Variants in AVEN observed in about 807,000 individuals in gnomAD.
AVEN encodes cell death regulator Aven.
AVEN carries 41 observed loss-of-function variants against 38.1 expected under a neutral mutation model. That is an observed-to-expected ratio of 1.08 (90% CI 0.84 to 1.40). The LOEUF (loss-of-function observed/expected upper bound fraction) is 1.40, where lower values mean the gene tolerates loss of function less well. Among genes scored for constraint, AVEN ranks in the 40% most tolerant of loss-of-function variants. AVEN has a pLI of 0.00. For missense variants in AVEN, 605 were observed against 438.8 expected, an observed-to-expected ratio of 1.38 and a Z score of -3.38; for synonymous variants, 206 against 171.8, an observed-to-expected ratio of 1.20 and a Z score of -1.56.
intron 2 of AVEN, among the ~76,000 whole-genome samples, chr15:33,884,679 A>G (rs1891632522): frequency 6.6e-6 from 1 of 152,142 alleles, no homozygotes; most frequent in Non-Finnish European, 1.5e-5. Context: ...CCCTATCAAC[A>G]AAAAAAGGGC....
chr15:33,961,211 G>A (rs1278356489), intron 2 of AVEN, among the ~76,000 whole-genome samples: 1 of 151,830 alleles, frequency 6.6e-6, no homozygotes, highest in African/African-American at 2.4e-5. Context: ...ATGTTGCCCA[G>A]GCTGGTCTCG....
chr15:33,978,117 C>A (rs963673776), intron 2 of AVEN, among the ~76,000 whole-genome samples: 20 of 152,018 alleles, frequency 1.3e-4, no homozygotes, highest in Admixed American at 1.2e-3. Context: ...ATTTTAAAAA[C>A]ATAGAAATTC....
At chr15:34,013,942 C>A (rs1052604418) in intron 1 of AVEN, among the ~76,000 whole-genome samples, 10 of 152,316 alleles carry the variant, frequency 6.6e-5, no homozygotes, top group African/African-American at 2.4e-4. Context: ...TCTTCCCAAC[C>A]TCAAGAACAG....
chr15:33,912,315 C>T (rs1453692593), intron 2 of AVEN, among the ~76,000 whole-genome samples: 1 of 152,196 alleles, frequency 6.6e-6, no homozygotes, highest in Non-Finnish European at 1.5e-5. Flanking sequence ...AGTTGGAAGG[C>T]ATCCTATGCA....
chr15:33,924,163 T>C (rs1185376491), intron 2 of AVEN, among the ~76,000 whole-genome samples: 2 of 151,988 alleles, frequency 1.3e-5, no homozygotes, highest in South Asian at 4.1e-4. Context: ...ATAGTATTTC[T>C]GTCTCCACTA....
At chr15:34,000,688 G>T (rs1337510164) in intron 2 of AVEN, among the ~76,000 whole-genome samples, 1 of 152,138 alleles carries the variant, frequency 6.6e-6, no homozygotes, top group African/African-American at 2.4e-5. Context: ...CCTCTCGAAA[G>T]TAAACCAATA....
At chr15:33,988,820 T>A (rs1288624042) in intron 2 of AVEN, among the ~76,000 whole-genome samples, 1 of 152,232 alleles carries the variant, frequency 6.6e-6, no homozygotes. Context: ...GTTGAACCCA[T>A]TTCCATTAAA....
chr15:33,872,485 G>C (rs115550263), intron 3 of AVEN, among the ~76,000 whole-genome samples: 4,247 of 152,176 alleles, frequency 0.028, 202 homozygotes, highest in African/African-American at 0.095. Context: ...GGAGTAATAA[G>C]CTGGGCAGCT....
intron 11 of AVEN, chr15:33,859,798 A>G (rs1003695186): frequency 2.0e-6 from 3 of 1,477,516 alleles, no homozygotes; most frequent in Non-Finnish European, 2.8e-6. Context: ...TCTTCCATCT[A>G]TGACTTAATT....
chr15:34,053,618 C>G (rs1358273043), intron 5 of AVEN, among the ~76,000 whole-genome samples: 2 of 151,966 alleles, frequency 1.3e-5, no homozygotes, highest in African/African-American at 4.8e-5. Flanking sequence ...AGAGAACTGG[C>G]TAGCTATATG....
At chr15:34,070,887 G>A (rs1046905251) in intron 1 of AVEN, among the ~76,000 whole-genome samples, 4 of 152,130 alleles carry the variant, frequency 2.6e-5, no homozygotes, top group Admixed American at 6.5e-5. Context: ...TGGGATGGAC[G>A]GGAGTTAAAA....
At chr15:34,015,598 G>A (rs1385352798) in intron 1 of AVEN, among the ~76,000 whole-genome samples, 6 of 152,014 alleles carry the variant, frequency 3.9e-5, no homozygotes, top group Admixed American at 6.6e-5. Flanking sequence ...TTCCACCCTC[G>A]GTCTTTAGGA....
chr15:34,042,268 T>C (rs1899502390), upstream of AVEN, among the ~76,000 whole-genome samples: 1 of 152,180 alleles, frequency 6.6e-6, no homozygotes, highest in Non-Finnish European at 1.5e-5. Context: ...GAATAAAAAA[T>C]TCAGTTTTCC....
intron 2 of AVEN, among the ~76,000 whole-genome samples, chr15:33,876,606 AAT>A (rs1291124443): frequency 1.3e-5 from 2 of 152,142 alleles, no homozygotes; most frequent in African/African-American, 4.8e-5. Flanking sequence ...GCCTCTGAAT[AAT>A]ATAATTAATA....
intron 2 of AVEN, among the ~76,000 whole-genome samples, chr15:33,950,924 T>A (rs773090083): frequency 1.3e-5 from 2 of 152,106 alleles, no homozygotes; most frequent in Non-Finnish European, 2.9e-5. Flanking sequence ...GGAGGATCAC[T>A]TGAGCCCAGG....
chr15:34,030,249 C>T (rs1898709970), intron 1 of AVEN, among the ~76,000 whole-genome samples: 2 of 152,056 alleles, frequency 1.3e-5, no homozygotes, highest in Admixed American at 6.5e-5. Context: ...GTGAGTGAGA[C>T]TTCATCTCAA....
intron 5 of AVEN, among the ~76,000 whole-genome samples, chr15:34,054,487 T>C (rs898734684): frequency 1.4e-4 from 21 of 152,170 alleles, no homozygotes; most frequent in Admixed American, 5.9e-4. Context: ...CATGGAATAC[T>C]ATGCAGCCAT....
chr15:34,073,849 G>A (rs1322597684), intron 1 of AVEN, among the ~76,000 whole-genome samples: 1 of 151,910 alleles, frequency 6.6e-6, no homozygotes, highest in African/African-American at 2.4e-5. Context: ...ACTAAACGTA[G>A]ATTAGAAAGA....
At chr15:33,860,702 C>A in intron 11 of AVEN, 1 of 1,343,382 alleles carries the variant, frequency 7.4e-7, no homozygotes, top group South Asian at 1.3e-5. Flanking sequence ...ATTTTAATAT[C>A]CCCAGAAGCA....
Sources: gnomAD v4.1 joint callset for allele counts (sites outside exome capture counted in the v4.1 genomes callset) on GRCh38, gnomAD v4.1.1 for gene constraint, MANE v1.5 for transcripts, NCBI Gene and HGNC (gene_info 2026-07-23, HGNC 2026-07-21) for gene names.